PIWIL2: variants seen among roughly 807,000 people sequenced by gnomAD.
PIWIL2 encodes the protein piwi like RNA-mediated gene silencing 2, also known as piwi-like protein 2.
A neutral mutation model predicts 116.5 loss-of-function variants in PIWIL2; 81 were observed. The observed-to-expected ratio is 0.70, with a 90% CI of 0.58 to 0.84. The LOEUF is 0.84. PIWIL2 is among the 40% of genes least tolerant of loss of function. The pLI is 0.00. For synonymous variants in PIWIL2, 489 were observed against 429.5 expected (o/e 1.14, Z -1.71); for missense variants, 1,272 against 1,212.3 (o/e 1.05, Z -0.73).
chr8:22,340,844 T>A (rs887697096), intron 20 of PIWIL2, among the ~76,000 whole-genome samples: 1 of 152,132 alleles, frequency 6.6e-6, no homozygotes, highest in Non-Finnish European at 1.5e-5. Context: ...CCCAAGTAGC[T>A]GGGTCTACAG....
intron 10 of PIWIL2, among the ~76,000 whole-genome samples, chr8:22,300,003 G>A (rs371360973): frequency 4.0e-5 from 6 of 151,834 alleles, no homozygotes; most frequent in Admixed American, 1.3e-4. Flanking sequence ...GCAATGGTGC[G>A]ATCTCAGCTC....
chr8:22,291,526 A>G (rs750465047), intron 10 of PIWIL2, among the ~76,000 whole-genome samples: 6 of 152,196 alleles, frequency 3.9e-5, no homozygotes, highest in Non-Finnish European at 7.3e-5. Context: ...TTTTTAGGCC[A>G]TGTACTTGGA....
chr8:22,321,705 CAAAT>C (rs1554503108), intron 20 of PIWIL2: 1 of 187,956 alleles, frequency 5.3e-6, no homozygotes, highest in Non-Finnish European at 9.9e-6. Context: ...GCCTCTAAAA[CAAAT>C]AAAATAAAAA....
chr8:22,290,985 T>C (rs1830750944), intron 10 of PIWIL2, among the ~76,000 whole-genome samples: 1 of 148,348 alleles, frequency 6.7e-6, no homozygotes, highest in Non-Finnish European at 1.5e-5. Context: ...TTTTTTTTAA[T>C]TGAGACAGAG....
At chr8:22,324,960 A>G (rs1831689037) in intron 20 of PIWIL2, among the ~76,000 whole-genome samples, 2 of 152,126 alleles carry the variant, frequency 1.3e-5, no homozygotes, top group South Asian at 4.1e-4. Context: ...AAACACCTTG[A>G]TTTTGAACTT....
At chr8:22,285,269 G>C (rs1259711225) in intron 6 of PIWIL2, among the ~76,000 whole-genome samples, 1 of 152,060 alleles carries the variant, frequency 6.6e-6, no homozygotes, top group Non-Finnish European at 1.5e-5. Context: ...CCTACTCTCT[G>C]TTCACAATGA....
At chr8:22,326,649 C>G (rs1201056976) in intron 20 of PIWIL2, among the ~76,000 whole-genome samples, 4 of 152,118 alleles carry the variant, frequency 2.6e-5, no homozygotes, top group African/African-American at 9.7e-5. Flanking sequence ...CAAGGTTTAT[C>G]TGTGTTGTAG....
chr8:22,354,372 T>C lies in PIWIL2; in HGVS notation c.2759T>C (p.Met920Thr). 1 of 1,599,210 alleles carries C rather than the reference T, an allele frequency of 6.3e-7. No individual in the cohort carries two copies. Among genetic ancestry groups the C allele is most frequent in the Non-Finnish European group, 8.6e-7 (1 of 1,166,438 alleles). Reference protein sequence around the residue: ...LNTANLSPDHMQRLTFKLCHM... With the variant: ...LNTANLSPDHTQRLTFKLCHM... Reference sequence around the variant, plus strand: ...ACCGCAAACCTGAGCCCTGATCATATGCAGAGGTGGGCCCATCAGTAACTT... The same window carrying C: ...ACCGCAAACCTGAGCCCTGATCATACGCAGAGGTGGGCCCATCAGTAACTT... The change falls in exon 22 of 23, where the codon ATG becomes ACG. Residue 920 changes from methionine (M) to threonine (T), a missense_variant. Coordinates refer to ENST00000356766, the MANE Select transcript of PIWIL2 (RefSeq NM_018068.5).
chr8:22,345,123 T>G (rs1389163704), intron 20 of PIWIL2, among the ~76,000 whole-genome samples: 1 of 152,178 alleles, frequency 6.6e-6, no homozygotes, highest in Non-Finnish European at 1.5e-5. Context: ...GGCTATAGTG[T>G]GTGAGGATCA....
chr8:22,305,088 T>G (rs1831143910), intron 12 of PIWIL2, among the ~76,000 whole-genome samples: 1 of 152,182 alleles, frequency 6.6e-6, no homozygotes, highest in African/African-American at 2.4e-5. Flanking sequence ...AATATCCACA[T>G]AAGCTATTAG....
intron 13 of PIWIL2, among the ~76,000 whole-genome samples, chr8:22,307,474 T>A (rs12546581): frequency 0.14 from 2,785 of 20,268 alleles, 197 homozygotes; most frequent in East Asian, 0.36. Context: ...TTATTATTCA[T>A]TTTTTTTTTT....
chr8:22,330,735 A>AATAC (rs1831839983), intron 20 of PIWIL2, among the ~76,000 whole-genome samples: 1 of 141,428 alleles, frequency 7.1e-6, no homozygotes, highest in African/African-American at 3.0e-5. Flanking sequence ...TAAATAAATA[A>AATAC]ATAAATAAAA....
intron 20 of PIWIL2, among the ~76,000 whole-genome samples, chr8:22,322,533 C>T (rs1831623023): frequency 6.6e-6 from 1 of 152,216 alleles, no homozygotes; most frequent in Non-Finnish European, 1.5e-5. Flanking sequence ...TCCCAGAGTG[C>T]TGGGATTATA....
Position 22,355,787 on chromosome 8 carries a change from C to T in PIWIL2, c.*282C>T, listed in dbSNP as rs1832477081. ...GGTGACTCTGGGGGACCATTAAGAC[C>T]TCCAGACCGGGTGCGGTGGTTCACA... On this transcript the variant is annotated 3_prime_UTR_variant, in exon 23 of 23. Coordinates refer to ENST00000356766, the MANE Select transcript of PIWIL2 (RefSeq NM_018068.5). 1 of 393,010 alleles carries T rather than the reference C, an allele frequency of 2.5e-6. No homozygotes were observed. The highest frequency in any genetic ancestry group is 4.7e-6 in the Non-Finnish European group (1 of 210,730). 24.3% of individuals were successfully genotyped at this position (393,010 alleles called of 1,614,324 possible).
At chr8:22,304,729 T>C (rs1337838055) in intron 11 of PIWIL2, 55 bp from the exon 12 acceptor site, 1 of 975,658 alleles carries the variant, frequency 1.0e-6, no homozygotes, top group East Asian at 2.4e-5. Flanking sequence ...ACTATGGTGC[T>C]CTAAGAGTAT....
chr8:22,310,179 A>G lies in PIWIL2; in HGVS notation c.1800+105A>G, dbSNP rs1586565504. ...TCTTCTTTTTTGAGGGAAAGTACCA[A>G]TTGAATCCCCATTCTGAATTACCTA... On this transcript the variant is annotated intron_variant, in intron 15 of 22. Transcript: ENST00000356766. The G allele has an allele frequency of 2.2e-5, 14 of 645,746 alleles. No individual in the cohort carries two copies. The South Asian group carries it at 2.4e-4, about 11-fold the overall frequency. 40.0% of individuals were successfully genotyped at this position (645,746 alleles called of 1,614,324 possible). A position where few individuals can be genotyped will look rare whatever the true frequency, so the allele number is the denominator to read the frequency against.
intron 20 of PIWIL2, among the ~76,000 whole-genome samples, chr8:22,333,757 A>G (rs1194616258): frequency 6.6e-6 from 1 of 152,040 alleles, no homozygotes; most frequent in Non-Finnish European, 1.5e-5. Context: ...ATTACTCAAA[A>G]GTATGAGGTT....
chr8:22,288,539 T>C lies in PIWIL2; in HGVS notation c.862-3T>C, dbSNP rs781481302. 3 of 1,610,778 alleles carry C rather than the reference T, an allele frequency of 1.9e-6. No individual in the cohort carries two copies. In the East Asian group the frequency reaches 6.7e-5, roughly 36 times the overall value. On this transcript the variant is annotated splice_region_variant and splice_polypyrimidine_tract_variant and intron_variant, in intron 7 of 22. Transcript: ENST00000356766. ...GTTTCACCTGTGTGTATTTATTTGTTAGGTTCTTGAGTTAAAAAGTCAAAG... is the reference window on the plus strand; with the variant it reads ...GTTTCACCTGTGTGTATTTATTTGTCAGGTTCTTGAGTTAAAAAGTCAAAG...
intron 10 of PIWIL2, among the ~76,000 whole-genome samples, chr8:22,290,914 G>A (rs533280705): frequency 6.6e-6 from 1 of 151,804 alleles, no homozygotes; most frequent in East Asian, 1.9e-4. Flanking sequence ...CGCATGCTGA[G>A]TTTGCATATA....
Sources: gnomAD v4.1 joint callset for allele counts (sites outside exome capture counted in the v4.1 genomes callset) on GRCh38, gnomAD v4.1.1 for gene constraint, MANE v1.5 for transcripts, NCBI Gene and HGNC (gene_info 2026-07-23, HGNC 2026-07-21) for gene names.